PXDNL: variants seen among roughly 807,000 people sequenced by gnomAD.
PXDNL encodes the protein peroxidasin like.
PXDNL carries 145 observed loss-of-function variants against 150.8 expected under a neutral mutation model. The observed-to-expected ratio is 0.96, with a 90% CI of 0.84 to 1.10. PXDNL has a LOEUF of 1.10. Ranked by LOEUF, PXDNL falls within the 50% of genes least tolerant of loss-of-function variation. The pLI, the probability that PXDNL is intolerant of heterozygous loss-of-function variation, is 0.00. For synonymous variants in PXDNL, 757 were observed against 725.7 expected (o/e 1.04, Z -0.69); for missense variants, 2,087 against 1,873.9 (o/e 1.11, Z -2.10).
At chr8:51,751,367 A>G (rs1343691447) in intron 1 of PXDNL, among the ~76,000 whole-genome samples, 3 of 152,220 alleles carry the variant, frequency 2.0e-5, no homozygotes, top group Non-Finnish European at 4.4e-5. Flanking sequence ...TAATTCTTTT[A>G]CACACTTTGT....
intron 3 of PXDNL, among the ~76,000 whole-genome samples, chr8:51,585,903 G>A (rs920438647): frequency 6.6e-5 from 10 of 151,812 alleles, no homozygotes; most frequent in African/African-American, 2.4e-4. Flanking sequence ...TTTTCTCTTT[G>A]AGTTCCTACT....
intron 2 of PXDNL, among the ~76,000 whole-genome samples, chr8:51,597,701 T>C (rs1334056107): frequency 2.6e-5 from 4 of 151,226 alleles, no homozygotes; most frequent in African/African-American, 4.9e-5. Context: ...CTACTGTAAA[T>C]AGGATTGCAT....
intron 4 of PXDNL, among the ~76,000 whole-genome samples, chr8:51,505,132 A>G (rs1178098438): frequency 6.6e-6 from 1 of 152,172 alleles, no homozygotes; most frequent in African/African-American, 2.4e-5. Flanking sequence ...TGAATCACAC[A>G]TTTTTGTGAG....
chr8:51,395,580 T>TA (rs1272562704), intron 17 of PXDNL, among the ~76,000 whole-genome samples: 2 of 152,142 alleles, frequency 1.3e-5, no homozygotes, highest in African/African-American at 4.8e-5. Flanking sequence ...TTTAAGTATA[T>TA]ATTGAATTGA....
intron 2 of PXDNL, among the ~76,000 whole-genome samples, chr8:51,603,199 G>C (rs1485390226): frequency 6.6e-6 from 1 of 151,488 alleles, no homozygotes; most frequent in Non-Finnish European, 1.5e-5. Flanking sequence ...CTTTATATAG[G>C]ATAGTTTCTA....
intron 2 of PXDNL, 42 bp downstream of exon 2, chr8:51,654,647 A>G (rs1483724849): frequency 6.8e-7 from 1 of 1,462,452 alleles, no homozygotes; most frequent in African/African-American, 1.4e-5. Context: ...TCCAACCAGC[A>G]TATAATTTTA....
chr8:51,683,643 C>T, intron 1 of PXDNL, among the ~76,000 whole-genome samples: 1 of 152,142 alleles, frequency 6.6e-6, no homozygotes, highest in East Asian at 1.9e-4. Context: ...AGATCCTGGA[C>T]CAAAGAAGCT....
At chr8:51,395,811 T>TA (rs1420513023) in intron 17 of PXDNL, among the ~76,000 whole-genome samples, 1 of 152,160 alleles carries the variant, frequency 6.6e-6, no homozygotes, top group East Asian at 1.9e-4. Context: ...TCCAAAACTT[T>TA]AAAAAATCTA....
chr8:51,426,806 G>T (rs1809117640), intron 12 of PXDNL, 48 bp from the exon 13 acceptor site: 1 of 1,088,602 alleles, frequency 9.2e-7, no homozygotes. Context: ...TATCATTTTT[G>T]TCAACATATG....
In PXDNL at chr8:51,789,227, AC is replaced by A. The variant is rs1183640649; in HGVS notation, c.164+19953del. Among the ~76,000 whole-genome samples, 3 of 144,842 alleles carry A rather than the reference AC, an allele frequency of 2.1e-5. No individual in the cohort carries two copies. In the East Asian group the frequency reaches 6.0e-4, roughly 29 times the overall value. On this transcript the variant is annotated intron_variant, in intron 1 of 22. Transcript: ENST00000356297. The stretch of plus-strand genomic sequence containing the variant: ...TTTTTTTTTGCTGTGTTTTTATGTT[AC>A]TCATACGGTGAGTTCAATCCAAGTT...
chr8:51,677,486 A>T (rs1317020789), intron 1 of PXDNL, among the ~76,000 whole-genome samples: 2 of 152,222 alleles, frequency 1.3e-5, no homozygotes, highest in African/African-American at 2.4e-5. Flanking sequence ...TCCAGTGCAT[A>T]AAATGACTCA....
chr8:51,625,165 C>A (rs1302279471), intron 2 of PXDNL, among the ~76,000 whole-genome samples: 1 of 152,082 alleles, frequency 6.6e-6, no homozygotes, highest in Non-Finnish European at 1.5e-5. Flanking sequence ...AAGGTCACTG[C>A]ACATAAGCTC....
chr8:51,559,031 A>C (rs1812657688), intron 3 of PXDNL, among the ~76,000 whole-genome samples: 1 of 151,938 alleles, frequency 6.6e-6, no homozygotes, highest in South Asian at 2.1e-4. Context: ...ATTGGCTGGA[A>C]TAAGGGGGAT....
intron 1 of PXDNL, among the ~76,000 whole-genome samples, chr8:51,759,387 C>T (rs2037137296): frequency 6.6e-6 from 1 of 152,236 alleles, no homozygotes; most frequent in African/African-American, 2.4e-5. Context: ...AGTGCCCCCT[C>T]ACTGCACTCC....
intron 1 of PXDNL, among the ~76,000 whole-genome samples, chr8:51,783,676 A>AT (rs2037435679): frequency 6.6e-6 from 1 of 152,236 alleles, no homozygotes; most frequent in Admixed American, 6.5e-5. Flanking sequence ...CATTGCTGAA[A>AT]TACACATATC....
chr8:51,770,386 GC>G (rs1400950515), intron 1 of PXDNL, among the ~76,000 whole-genome samples: 18 of 152,204 alleles, frequency 1.2e-4, no homozygotes, highest in African/African-American at 4.3e-4. Flanking sequence ...TAATAGTAAA[GC>G]AAAAACGGGG....
chr8:51,587,245 CAAAGA>C (rs989046397), intron 3 of PXDNL, among the ~76,000 whole-genome samples: 12 of 152,054 alleles, frequency 7.9e-5, no homozygotes, highest in Admixed American at 7.9e-4. Flanking sequence ...GTTGCTAAAT[CAAAGA>C]AAAGAAGCTA....
At chr8:51,677,552 G>A (rs1030233879) in intron 1 of PXDNL, among the ~76,000 whole-genome samples, 8 of 152,114 alleles carry the variant, frequency 5.3e-5, no homozygotes, top group Admixed American at 2.0e-4. Flanking sequence ...CTATATTTCC[G>A]GTATGCAATA....
At chr8:51,350,463 G>A (rs577280056) in intron 19 of PXDNL, among the ~76,000 whole-genome samples, 3 of 147,640 alleles carry the variant, frequency 2.0e-5, no homozygotes, top group South Asian at 2.2e-4. Context: ...AGGTTCAAGC[G>A]ATTCTCCTGC....
Sources: allele counts gnomAD v4.1 joint callset (sites outside exome capture counted in the v4.1 genomes callset), GRCh38; gene constraint gnomAD v4.1.1; transcripts MANE v1.5; gene names NCBI Gene and HGNC (gene_info 2026-07-23, HGNC 2026-07-21).